The following SLC39A8 variants were observed in gnomAD, a reference collection of about 807,000 sequenced individuals.
SLC39A8 encodes the protein solute carrier family 39 member 8.
In SLC39A8, 15 loss-of-function variants were observed where a neutral mutation model predicts 40.4. That is an observed-to-expected ratio of 0.37 (90% CI 0.25 to 0.57). The LOEUF (loss-of-function observed/expected upper bound fraction) is 0.57, where lower values mean the gene tolerates loss of function less well. Ranked by LOEUF, SLC39A8 falls within the 20% of genes least tolerant of loss-of-function variation. The pLI is 0.75. For missense variants in SLC39A8, 472 were observed against 558.8 expected (o/e 0.84, Z 1.57); for synonymous variants, 223 against 221.6 (o/e 1.01, Z -0.06).
intron 6 of SLC39A8, among the ~76,000 whole-genome samples, chr4:102,268,870 TC>T (rs1248201549): frequency 9.9e-5 from 15 of 152,156 alleles, no homozygotes; most frequent in African/African-American, 3.4e-4. Context: ...TTGTACAAAA[TC>T]AAATGACAAA....
intron 6 of SLC39A8, among the ~76,000 whole-genome samples, chr4:102,295,167 G>A (rs571555413): frequency 6.8e-6 from 1 of 147,564 alleles, no homozygotes; most frequent in East Asian, 2.0e-4. Context: ...GTGTATATAT[G>A]TAAATATATA....
chr4:102,261,724 A>G lies in SLC39A8; in HGVS notation c.*1320T>C. ...CAATATTTTTTAATTGTCAGTCATA[A>G]AGTGAAATACATACTAAAATATATA... On this transcript the variant is annotated 3_prime_UTR_variant, in exon 9 of 9. Coordinates refer to ENST00000356736, the MANE Select transcript of SLC39A8 (RefSeq NM_001135146.2). 2.0e-6 allele frequency: 2 copies of G among 982,934 alleles called. No homozygotes were observed. The highest frequency in any genetic ancestry group is 2.4e-6 in the Non-Finnish European group (2 of 827,134). 60.9% of individuals were successfully genotyped at this position (982,934 alleles called of 1,614,324 possible). A position where few individuals can be genotyped will look rare whatever the true frequency, so the allele number is the denominator to read the frequency against.
At chr4:102,315,942 A>G in intron 2 of SLC39A8, 112 bp from the exon 3 acceptor site, 2 of 811,312 alleles carry the variant, frequency 2.5e-6, no homozygotes, top group Non-Finnish European at 3.5e-6. Context: ...CACTCTTTAT[A>G]CAAAAGCCCA....
At chr4:102,254,542 T>C (rs1194730604) in intron 11 of SLC39A8, among the ~76,000 whole-genome samples, 1 of 152,218 alleles carries the variant, frequency 6.6e-6, no homozygotes, top group Non-Finnish European at 1.5e-5. Flanking sequence ...AACCTAGATA[T>C]TATGCTTACA....
At chr4:102,313,108 T>C (rs946432673) in intron 3 of SLC39A8, among the ~76,000 whole-genome samples, 2 of 152,166 alleles carry the variant, frequency 1.3e-5, no homozygotes, top group South Asian at 2.1e-4. Flanking sequence ...TTGCAAATTA[T>C]ATTGATAAAT....
In SLC39A8 at chr4:102,261,889, G is replaced by A. The variant is rs1452333636; in HGVS notation, c.*1155C>T. ...ATCACCTTAAGTGACTTGGGAGTGTGAATCTAGGATGTTCAATTTTAGACC... is the reference window on the plus strand; with the variant it reads ...ATCACCTTAAGTGACTTGGGAGTGTAAATCTAGGATGTTCAATTTTAGACC... On this transcript the variant is annotated 3_prime_UTR_variant, in exon 9 of 9. Transcript: ENST00000356736. 2 of 985,196 alleles carry A rather than the reference G, an allele frequency of 2.0e-6. No individual in the cohort carries two copies. Among genetic ancestry groups the A allele is most frequent in the Non-Finnish European group, 1.2e-6 (1 of 829,300 alleles). 61.0% of individuals were successfully genotyped at this position (985,196 alleles called of 1,614,324 possible).
chr4:102,290,623 T>C (rs1006249540), intron 6 of SLC39A8, among the ~76,000 whole-genome samples: 2 of 151,922 alleles, frequency 1.3e-5, no homozygotes, highest in Non-Finnish European at 2.9e-5. Context: ...GTGTAGTACA[T>C]GGTTGAGTTT....
downstream of SLC39A8, among the ~76,000 whole-genome samples, chr4:102,261,439 G>T (rs753127363): frequency 1.1e-4 from 17 of 152,174 alleles, no homozygotes; most frequent in Non-Finnish European, 1.8e-4. Context: ...ACTAGGTAGG[G>T]CCCTACTAAG....
intron 2 of SLC39A8, 66 bp from the exon 3 acceptor site, chr4:102,315,896 A>G (rs1734634952): frequency 2.2e-6 from 3 of 1,365,996 alleles, no homozygotes; most frequent in Non-Finnish European, 3.0e-6. Flanking sequence ...CAAAGATGCT[A>G]TAAAGAGACA....
At chr4:102,293,498 C>A (rs1254029919) in intron 6 of SLC39A8, among the ~76,000 whole-genome samples, 1 of 151,942 alleles carries the variant, frequency 6.6e-6, no homozygotes, top group Non-Finnish European at 1.5e-5. Context: ...ACAAACAAAA[C>A]AATACTGGGA....
At chr4:102,298,234 T>A (rs1203126232) in intron 6 of SLC39A8, among the ~76,000 whole-genome samples, 1 of 151,978 alleles carries the variant, frequency 6.6e-6, no homozygotes, top group Non-Finnish European at 1.5e-5. Flanking sequence ...TCAGTGAAAG[T>A]AGGCTAAATT....
In SLC39A8 at chr4:102,254,089, G is replaced by A. The variant is rs960128226; in HGVS notation, c.*299-659C>T. Reference sequence around the variant, plus strand: ...AAGAGGTCTGATCAGAAATGAATTCGACGTTATTCATTAAACCCAAGTCAA... The same window carrying A: ...AAGAGGTCTGATCAGAAATGAATTCAACGTTATTCATTAAACCCAAGTCAA... On this transcript the variant is annotated intron_variant and NMD_transcript_variant, in intron 11 of 11. Coordinates refer to the SLC39A8 transcript ENST00000424970. 3.9e-5 allele frequency among the ~76,000 whole-genome samples: 6 copies of A among 152,098 alleles called. No homozygotes were observed. In the South Asian group the frequency reaches 6.2e-4, roughly 16 times the overall value.
intron 6 of SLC39A8, among the ~76,000 whole-genome samples, chr4:102,278,804 C>T (rs976871512): frequency 1.2e-4 from 19 of 152,102 alleles, no homozygotes; most frequent in Admixed American, 1.2e-3. Context: ...GAATACTATG[C>T]AGACATAAAA....
At chr4:102,281,174 T>C (rs2149015821) in intron 6 of SLC39A8, among the ~76,000 whole-genome samples, 1 of 152,318 alleles carries the variant, frequency 6.6e-6, no homozygotes, top group South Asian at 2.1e-4. Context: ...CTCTCATTCT[T>C]ACTGCAACAT....
chr4:102,322,544 C>T (rs1735008701), intron 2 of SLC39A8, among the ~76,000 whole-genome samples: 1 of 152,128 alleles, frequency 6.6e-6, no homozygotes. Flanking sequence ...TTCCTGTTCT[C>T]CACACACAGG....
At chr4:102,327,187 G>A (rs1735242605) in intron 2 of SLC39A8, among the ~76,000 whole-genome samples, 3 of 152,122 alleles carry the variant, frequency 2.0e-5, no homozygotes. Context: ...CTTGAGCCCA[G>A]GAGGTCAAGG....
chr4:102,266,477 G>A (rs6837489), intron 8 of SLC39A8, among the ~76,000 whole-genome samples: 1 of 152,082 alleles, frequency 6.6e-6, no homozygotes, highest in Admixed American at 6.5e-5. Context: ...AATTATGTAT[G>A]TAATACATCC....
intron 6 of SLC39A8, among the ~76,000 whole-genome samples, chr4:102,297,141 CA>C (rs1238692578): frequency 7.9e-5 from 12 of 152,078 alleles, no homozygotes; most frequent in African/African-American, 2.9e-4. Flanking sequence ...TAAAAATGTT[CA>C]GAGAATAGGT....
At chr4:102,271,683 A>G (rs1301600593) in intron 6 of SLC39A8, among the ~76,000 whole-genome samples, 2 of 152,188 alleles carry the variant, frequency 1.3e-5, no homozygotes, top group Non-Finnish European at 2.9e-5. Context: ...ACAAAGATAG[A>G]CATATACAAT....
Sources: gnomAD v4.1 joint callset for allele counts (sites outside exome capture counted in the v4.1 genomes callset) on GRCh38, gnomAD v4.1.1 for gene constraint, MANE v1.5 for transcripts, NCBI Gene and HGNC (gene_info 2026-07-23, HGNC 2026-07-21) for gene names.